KAT6B: variants seen among roughly 807,000 people sequenced by gnomAD.
The protein encoded by KAT6B is lysine acetyltransferase 6B, also known as histone acetyltransferase KAT6B.
In KAT6B, 10 loss-of-function variants were observed where a neutral mutation model predicts 187.5. That is an observed-to-expected ratio of 0.05 (90% CI 0.03 to 0.09). The LOEUF is 0.09. Ranked by LOEUF, KAT6B falls within the 10% of genes least tolerant of loss-of-function variation. The pLI, the probability that KAT6B is intolerant of heterozygous loss-of-function variation, is 1.00. For synonymous variants in KAT6B, 861 were observed against 926.8 expected (o/e 0.93, Z 1.29); for missense variants, 1,952 against 2,558.9 (o/e 0.76, Z 5.12).
chr10:74,910,252 C>T (rs972977116), intron 3 of KAT6B, among the ~76,000 whole-genome samples: 4 of 152,092 alleles, frequency 2.6e-5, no homozygotes, highest in African/African-American at 4.8e-5. Context: ...GAGCCAAGAT[C>T]GTGCCATTGC....
intron 3 of KAT6B, among the ~76,000 whole-genome samples, chr10:74,895,857 G>A (rs181301624): frequency 6.6e-6 from 1 of 152,116 alleles, no homozygotes; most frequent in Non-Finnish European, 1.5e-5. Flanking sequence ...ACCTTCCCCA[G>A]CATGACTTCC....
Position 74,843,225 on chromosome 10 carries a change from G to C in KAT6B, c.368G>C (p.Gly123Ala). Residue 123 changes from glycine (G) to alanine (A), a missense_variant, in exon 3 of 18, where the codon GGC becomes GCC. By Grantham distance (60) the Gly-to-Ala change is moderately conservative (BLOSUM62 0). Coordinates refer to ENST00000287239, the MANE Select transcript of KAT6B (RefSeq NM_012330.4). ...ATTGAAGGACTTGAGGAGCCGAATG[G>C]CTCCTCCCTGAAGAACATAGAGAAG... ...RAIEGLEEPN[G>A]SSLKNIEKYL... 1 of 1,614,228 alleles carries C rather than the reference G, an allele frequency of 6.2e-7. No homozygotes were observed. Among genetic ancestry groups the C allele is most frequent in the Non-Finnish European group, 8.5e-7 (1 of 1,180,046 alleles).
At chr10:74,840,974 A>G (rs904584874) in intron 2 of KAT6B, among the ~76,000 whole-genome samples, 4 of 152,238 alleles carry the variant, frequency 2.6e-5, no homozygotes, top group Non-Finnish European at 5.9e-5. Context: ...ATAAATAACC[A>G]GAGATAACTT....
chr10:74,870,581 GT>G (rs1274891416), intron 3 of KAT6B, among the ~76,000 whole-genome samples: 1 of 151,576 alleles, frequency 6.6e-6, no homozygotes, highest in Admixed American at 6.6e-5. Flanking sequence ...TATTGAAAGA[GT>G]TTTTTTTTCT....
intron 13 of KAT6B, among the ~76,000 whole-genome samples, chr10:75,011,528 TA>T (rs1844605603): frequency 6.6e-6 from 1 of 152,254 alleles, no homozygotes; most frequent in Non-Finnish European, 1.5e-5. Context: ...AACAATTTGG[TA>T]AGCTATTCTT....
intron 13 of KAT6B, among the ~76,000 whole-genome samples, chr10:75,000,758 G>T (rs1339314263): frequency 6.6e-6 from 1 of 152,252 alleles, no homozygotes; most frequent in African/African-American, 2.4e-5. Context: ...AAAATATTGG[G>T]CAGTCCTTCA....
At chr10:74,836,821 A>G (rs543215975) in intron 1 of KAT6B, among the ~76,000 whole-genome samples, 3 of 152,332 alleles carry the variant, frequency 2.0e-5, no homozygotes, top group South Asian at 2.1e-4. Context: ...CAGTTACACA[A>G]TGGGCTTTGA....
Position 74,976,076 on chromosome 10 carries a change from C to A in KAT6B, c.1739C>A (p.Thr580Lys). ...CGTCGTAAAACTGAATTATCTTCCACGGCAAAATCTAAAGCCCACTTCTTT... is the reference window on the plus strand; with the variant it reads ...CGTCGTAAAACTGAATTATCTTCCAAGGCAAAATCTAAAGCCCACTTCTTT... Reference protein sequence around the residue: ...RMRRKTELSSTAKSKAHFFGK... With the variant: ...RMRRKTELSSKAKSKAHFFGK... The change falls in exon 8 of 18, where the codon ACG (threonine) becomes AAG (lysine). Residue 580 changes from threonine to lysine, a missense_variant. Transcript: ENST00000287239. 6.2e-7 allele frequency: 1 copy of A among 1,614,152 alleles called. No homozygotes were observed. The highest frequency in any genetic ancestry group is 8.5e-7 in the Non-Finnish European group (1 of 1,180,034).
At chr10:74,899,930 G>A (rs1040760256) in intron 3 of KAT6B, among the ~76,000 whole-genome samples, 2 of 152,102 alleles carry the variant, frequency 1.3e-5, no homozygotes, top group African/African-American at 4.8e-5. Flanking sequence ...AATTACACAT[G>A]AAACAGTAAG....
chr10:74,930,765 A>G (rs1455782409), intron 3 of KAT6B, among the ~76,000 whole-genome samples: 1 of 152,090 alleles, frequency 6.6e-6, no homozygotes, highest in African/African-American at 2.4e-5. Flanking sequence ...CATGGGTTGG[A>G]GTTTCCATCT....
intron 3 of KAT6B, among the ~76,000 whole-genome samples, chr10:74,851,111 ATTT>A (rs551058752): frequency 6.8e-6 from 1 of 145,998 alleles, no homozygotes; most frequent in African/African-American, 2.5e-5. Flanking sequence ...AATCAAAATG[ATTT>A]TTTTTTTTTT....
intron 3 of KAT6B, among the ~76,000 whole-genome samples, chr10:74,859,599 T>C (rs921964636): frequency 6.6e-6 from 1 of 152,358 alleles, no homozygotes; most frequent in Non-Finnish European, 1.5e-5. Flanking sequence ...TCAGCAGTCT[T>C]CTGCAGTTAG....
At chr10:74,835,493 C>T (rs1841222847) in intron 1 of KAT6B, among the ~76,000 whole-genome samples, 1 of 152,144 alleles carries the variant, frequency 6.6e-6, no homozygotes, top group African/African-American at 2.4e-5. Context: ...AAGTTTAACC[C>T]ACAAGGGGTA....
chr10:74,959,660 C>T (rs945935967), intron 3 of KAT6B, among the ~76,000 whole-genome samples: 2 of 152,046 alleles, frequency 1.3e-5, no homozygotes, highest in African/African-American at 4.8e-5. Flanking sequence ...CATAGTGGCG[C>T]GCATCTGTAA....
intron 3 of KAT6B, among the ~76,000 whole-genome samples, chr10:74,920,845 G>A (rs1174270023): frequency 6.6e-6 from 1 of 152,026 alleles, no homozygotes; most frequent in Non-Finnish European, 1.5e-5. Flanking sequence ...CTTCTCTGCT[G>A]TTCCATCCCA....
chr10:74,970,863 A>T (rs1262066538), intron 6 of KAT6B, among the ~76,000 whole-genome samples: 4 of 152,168 alleles, frequency 2.6e-5, no homozygotes, highest in Non-Finnish European at 5.9e-5. Context: ...CTCCCTCTTA[A>T]TAGATTATAA....
intron 3 of KAT6B, among the ~76,000 whole-genome samples, chr10:74,910,750 G>A (rs764750666): frequency 5.3e-5 from 8 of 152,054 alleles, no homozygotes; most frequent in Non-Finnish European, 8.8e-5. Flanking sequence ...AGTTTGTCAA[G>A]TACTGGAAAC....
At chr10:74,944,842 A>G (rs1245809461) in intron 3 of KAT6B, among the ~76,000 whole-genome samples, 1 of 149,256 alleles carries the variant, frequency 6.7e-6, no homozygotes, top group Non-Finnish European at 1.5e-5. Flanking sequence ...AAGGATATGC[A>G]TATTAAAATC....
intron 16 of KAT6B, among the ~76,000 whole-genome samples, chr10:75,022,558 C>T (rs1845519158): frequency 6.6e-6 from 1 of 152,198 alleles, no homozygotes; most frequent in Non-Finnish European, 1.5e-5. Flanking sequence ...AACCACCCTC[C>T]AAGACCTAGA....
Sources: gnomAD v4.1 joint callset for allele counts (sites outside exome capture counted in the v4.1 genomes callset) on GRCh38, gnomAD v4.1.1 for gene constraint, MANE v1.5 for transcripts, NCBI Gene and HGNC (gene_info 2026-07-23, HGNC 2026-07-21) for gene names.